Variants in NACC2 observed in about 807,000 individuals in gnomAD.
The protein encoded by NACC2 is nucleus accumbens-associated protein 2.
In NACC2, 8 loss-of-function variants were observed where a neutral mutation model predicts 25.1. The ratio of observed to expected loss-of-function variants is 0.32; its 90% CI spans 0.19 to 0.57. The LOEUF (loss-of-function observed/expected upper bound fraction) is 0.57, where lower values mean the gene tolerates loss of function less well. NACC2 is among the 20% of genes least tolerant of loss of function. The pLI, the probability that NACC2 is intolerant of heterozygous loss-of-function variation, is 0.89. For synonymous variants in NACC2, 435 were observed against 294.7 expected, an observed-to-expected ratio of 1.48 and a Z score of -4.88; for missense variants, 644 against 650.2, an observed-to-expected ratio of 0.99 and a Z score of 0.10.
chr9:136,044,314 G>A (rs1261207247), intron 2 of NACC2, among the ~76,000 whole-genome samples: 3 of 152,112 alleles, frequency 2.0e-5, no homozygotes, highest in African/African-American at 4.8e-5. Flanking sequence ...CCAGGAATTC[G>A]AGGCCACCTG....
chr9:136,010,691 G>C lies in NACC2; in HGVS notation c.*825C>G, dbSNP rs1270389876. 1 of 152,256 alleles carries C rather than the reference G, an allele frequency of 6.6e-6. No homozygotes were observed. Among genetic ancestry groups the C allele is most frequent in the Non-Finnish European group, 1.5e-5 (1 of 68,060 alleles). The allele number at this position is 152,256 out of a possible 1,614,324, so 9.4% of individuals were successfully genotyped here. On this transcript the variant is annotated 3_prime_UTR_variant, in exon 6 of 6. Transcript: ENST00000277554. This position sits in a 1 kb window ranked among gnomAD's most constrained non-coding sequence, Gnocchi z 4.9. ...ACAAGACAAGCATAATCCCAAAGTGGCTGAGGCGGCAGAGGGCAGCGTGTG... is the reference window on the plus strand; with the variant it reads ...ACAAGACAAGCATAATCCCAAAGTGCCTGAGGCGGCAGAGGGCAGCGTGTG...
chr9:136,076,200 C>T (rs1830261355), intron 1 of NACC2, among the ~76,000 whole-genome samples: 1 of 152,192 alleles, frequency 6.6e-6, no homozygotes, highest in Non-Finnish European at 1.5e-5. Flanking sequence ...TGATTTCCAT[C>T]CAGTAGCAAA....
rs771699533 is a variant in NACC2, at chr9:136,011,784, C to T, written c.1496G>A (p.Arg499Gln). ...QVFEQRIYAE[R>Q]RGDAATIVAL... ...CACGATGGTGGCGGCGTCGCCCCGCCGCTCGGCGTAGATGCGTTGCTCGAA... is the reference window on the plus strand; with the variant it reads ...CACGATGGTGGCGGCGTCGCCCCGCTGCTCGGCGTAGATGCGTTGCTCGAA... Residue 499 changes from arginine (R) to glutamine (Q), a missense_variant, in exon 6 of 6, where the codon CGG becomes CAG. Coordinates refer to ENST00000277554, the MANE Select transcript of NACC2 (RefSeq NM_144653.5). The T allele has an allele frequency of 9.0e-6, 14 of 1,547,608 alleles. No individual in the cohort carries two copies. The highest frequency in any genetic ancestry group is 2.8e-5 in the African/African-American group (2 of 72,216).
chr9:136,022,285 G>T lies in NACC2; in HGVS notation c.887-5856C>A, dbSNP rs1588559585. On this transcript the variant is annotated intron_variant, in intron 2 of 5. Coordinates refer to ENST00000277554, the MANE Select transcript of NACC2 (RefSeq NM_144653.5). This position sits in a 1 kb window ranked among gnomAD's most constrained non-coding sequence, Gnocchi z 4.4. ...TGATGAGGTAACGGGTGCCCCACAT[G>T]CAGTGGGCCTCGGGGAGATGACCAC... 6.6e-6 allele frequency among the ~76,000 whole-genome samples: 1 copy of T among 152,212 alleles called. No individual in the cohort carries two copies. The highest frequency in any genetic ancestry group is 1.5e-5 in the Non-Finnish European group (1 of 68,030).
At chr9:136,068,532 G>A (rs1363772356) in intron 1 of NACC2, among the ~76,000 whole-genome samples, 6 of 149,158 alleles carry the variant, frequency 4.0e-5, no homozygotes, top group Non-Finnish European at 8.9e-5. Context: ...ATTGTGCAAT[G>A]ACATTATGAT....
chr9:136,053,499 C>T, intron 1 of NACC2, among the ~76,000 whole-genome samples: 1 of 152,208 alleles, frequency 6.6e-6, no homozygotes, highest in East Asian at 1.9e-4. Flanking sequence ...CTGTCACCCT[C>T]CCCGCCACAC....
chr9:136,049,153 T>C (rs1356545068), intron 2 of NACC2, among the ~76,000 whole-genome samples: 1 of 152,216 alleles, frequency 6.6e-6, no homozygotes, highest in African/African-American at 2.4e-5. Flanking sequence ...GGGGAGCGAC[T>C]GCTCACTCGG....
intron 2 of NACC2, among the ~76,000 whole-genome samples, chr9:136,028,031 G>GGGT (rs1840419095): frequency 6.6e-6 from 1 of 152,080 alleles, no homozygotes; most frequent in Admixed American, 6.6e-5. Context: ...AGGCCAAGGT[G>GGGT]GGTGGATCAC....
chr9:136,013,841 C>A lies in NACC2; in HGVS notation c.1157+23G>T, dbSNP rs1248727674. 25 of 1,604,694 alleles carry A rather than the reference C, an allele frequency of 1.6e-5. No individual in the cohort carries two copies. The highest frequency in any genetic ancestry group is 2.0e-5 in the Non-Finnish European group (24 of 1,173,490). ...ACCCTCCGCAGCTCCATTGTGCCCT[C>A]CAGCACTCCTGCCCCGACCTACCTG... On this transcript the variant is annotated intron_variant, in intron 4 of 5. Coordinates refer to ENST00000277554, the MANE Select transcript of NACC2 (RefSeq NM_144653.5). This position sits in a 1 kb window ranked among gnomAD's most constrained non-coding sequence, Gnocchi z 6.6.
In NACC2 at chr9:136,069,886, C is replaced by T. The variant is rs188789136; in HGVS notation, c.-59-19306G>A. 5.9e-4 allele frequency among the ~76,000 whole-genome samples: 89 copies of T among 151,908 alleles called. 1 individual carries two copies. The highest frequency in any genetic ancestry group is 1.3e-3 in the Admixed American group (20 of 15,284). On this transcript the variant is annotated intron_variant, in intron 1 of 5. Coordinates refer to ENST00000277554, the MANE Select transcript of NACC2 (RefSeq NM_144653.5). ...CTAGTAGAGACTTCAACAGCCTTCT[C>T]TAAACAAGGATAGAACTAGATAGAA...
At chr9:136,083,172 C>G (rs913846856) in intron 1 of NACC2, among the ~76,000 whole-genome samples, 1 of 152,242 alleles carries the variant, frequency 6.6e-6, no homozygotes, top group African/African-American at 2.4e-5. Flanking sequence ...TGACATCACA[C>G]GCTCCCAACA....
chr9:136,061,173 C>T (rs555696083), intron 1 of NACC2, among the ~76,000 whole-genome samples: 69 of 152,284 alleles, frequency 4.5e-4, no homozygotes, highest in African/African-American at 1.4e-3. Context: ...CAGCCCCCAC[C>T]GTGAGCTCAG....
At chr9:136,073,034 A>G (rs774851388) in intron 1 of NACC2, among the ~76,000 whole-genome samples, 1 of 152,222 alleles carries the variant, frequency 6.6e-6, no homozygotes, top group African/African-American at 2.4e-5. Flanking sequence ...ACTTTTGCTC[A>G]GCACAAGACA....
Position 136,013,957 on chromosome 9 carries a change from T to C in NACC2, c.1064A>G (p.Tyr355Cys), listed in dbSNP as rs1190398780. The change falls in exon 4 of 6, where the codon TAC becomes TGC. Residue 355 changes from tyrosine to cysteine, a missense_variant. Transcript: ENST00000277554. The surrounding 1 kb of genome is among the most constrained non-coding windows in gnomAD (Gnocchi z 6.6). ...GTTCATCAGCTGGCCGCGTGTGATG[T>C]AGACCCCAGAGCCTGCAGCCACCAA... ...KLELVAGSGV[Y>C]ITRGQLMNCH... 4.3e-6 allele frequency: 7 copies of C among 1,609,206 alleles called. No individual in the cohort carries two copies. Among genetic ancestry groups the C allele is most frequent in the South Asian group, 1.1e-5 (1 of 91,002 alleles).
At chr9:136,062,216 G>A (rs1405816315) in intron 1 of NACC2, among the ~76,000 whole-genome samples, 2 of 151,924 alleles carry the variant, frequency 1.3e-5, no homozygotes, top group Non-Finnish European at 1.5e-5. Context: ...AAGTTAGCAA[G>A]AAATTAGCAA....
chr9:136,052,287 T>A (rs1840856937), intron 1 of NACC2, among the ~76,000 whole-genome samples: 1 of 152,202 alleles, frequency 6.6e-6, no homozygotes, highest in Non-Finnish European at 1.5e-5. Flanking sequence ...TGGAAATTTA[T>A]GGTGCAGTTT....
At chr9:136,072,540 G>A (rs1366429104) in intron 1 of NACC2, among the ~76,000 whole-genome samples, 1 of 152,060 alleles carries the variant, frequency 6.6e-6, no homozygotes, top group South Asian at 2.1e-4. Context: ...GCAAGACTCT[G>A]TCTCAAAAAA....
At position 136,086,538 on chromosome 9, in the gene NACC2, C is replaced by G. The variant is rs1348480799; in HGVS notation, c.-60+8651G>C. Among the ~76,000 whole-genome samples the G allele has an allele frequency of 6.6e-6, 1 of 152,182 alleles. No homozygotes were observed. The highest frequency in any genetic ancestry group is 1.5e-5 in the Non-Finnish European group (1 of 68,022). ...CCCGACAGCCATCTGCCTGCCAGCA[C>G]CCAGCCACGGTCCCACCCCGGGCTC... On this transcript the variant is annotated intron_variant, in intron 1 of 5. Coordinates refer to ENST00000277554, the MANE Select transcript of NACC2 (RefSeq NM_144653.5). The surrounding 1 kb of genome is among the most constrained non-coding windows in gnomAD (Gnocchi z 5.6).
At chr9:136,040,105 G>C (rs1840605768) in intron 2 of NACC2, among the ~76,000 whole-genome samples, 1 of 152,146 alleles carries the variant, frequency 6.6e-6, no homozygotes, top group Non-Finnish European at 1.5e-5. Context: ...CAGCACTTTG[G>C]GAGGCTGAGG....
Sources: gnomAD v4.1 joint callset for allele counts (sites outside exome capture counted in the v4.1 genomes callset) on GRCh38, gnomAD v4.1.1 for gene constraint, Gnocchi (gnomAD v3.1) non-coding constraint, MANE v1.5 for transcripts, NCBI Gene and HGNC (gene_info 2026-07-23, HGNC 2026-07-21) for gene names.